Variants in RFX3 observed in about 807,000 individuals in gnomAD.
The protein encoded by RFX3 is regulatory factor X3, also known as transcription factor RFX3.
A neutral mutation model predicts 98.6 loss-of-function variants in RFX3; 14 were observed. The ratio of observed to expected loss-of-function variants is 0.14; its 90% confidence interval spans 0.09 to 0.22. The LOEUF is 0.22. Ranked by LOEUF, RFX3 falls within the 10% of genes least tolerant of loss-of-function variation. The pLI is 1.00. For synonymous variants in RFX3, 383 were observed against 328.4 expected (o/e 1.17, Z -1.80); for missense variants, 639 against 926.9 (o/e 0.69, Z 4.03).
At chr9:3,508,547 A>T (rs751767998) in intron 1 of RFX3, among the ~76,000 whole-genome samples, 3 of 152,000 alleles carry the variant, frequency 2.0e-5, no homozygotes, top group African/African-American at 4.8e-5. Flanking sequence ...AATAAAAAAG[A>T]GGAACTTCTA....
chr9:3,293,473 TCC>T (rs1395154699), intron 5 of RFX3, among the ~76,000 whole-genome samples: 1 of 152,242 alleles, frequency 6.6e-6, no homozygotes. Context: ...TCAGACAATA[TCC>T]ATTTCTTCAA....
Position 3,330,354 on chromosome 9 carries a change from G to T in RFX3, c.379C>A (p.Leu127Ile), listed in dbSNP as rs760090646. 1.9e-6 allele frequency: 3 copies of T among 1,614,004 alleles called. No individual in the cohort carries two copies. The Admixed American group carries it at 5.0e-5, about 27-fold the overall frequency. ...GIQMGVTGGQLISSSGGTYLI... is the reference protein window; with the variant it reads ...GIQMGVTGGQIISSSGGTYLI... ...TAGGTTCCTCCAGAGCTGCTGATGAGTTGTCCTCCTGTGACGCCCATCTGA... is the reference window on the plus strand; with the variant it reads ...TAGGTTCCTCCAGAGCTGCTGATGATTTGTCCTCCTGTGACGCCCATCTGA... Residue 127 changes from leucine to isoleucine, a missense_variant, in exon 4 of 17, where the codon CTC becomes ATC. Leu to Ile is a conservative substitution (Grantham distance 5). Around this residue, in one of 9 missense-constraint regions of RFX3, gnomAD observed 210 missense variants for 197.7 expected, o/e 1.06. Coordinates refer to ENST00000617270, the MANE Select transcript of RFX3 (RefSeq NM_001282116.2).
At chr9:3,363,461 A>G (rs1836689501) in intron 2 of RFX3, among the ~76,000 whole-genome samples, 1 of 152,206 alleles carries the variant, frequency 6.6e-6, no homozygotes, top group Non-Finnish European at 1.5e-5. Context: ...GAGTTAAATA[A>G]AGATGTCGGT....
chr9:3,464,640 G>A (rs1247812629), intron 1 of RFX3, among the ~76,000 whole-genome samples: 4 of 152,142 alleles, frequency 2.6e-5, no homozygotes, highest in African/African-American at 9.7e-5. Flanking sequence ...CAAAAGGGCA[G>A]GAACAAACTT....
intron 15 of RFX3, among the ~76,000 whole-genome samples, chr9:3,240,168 A>T (rs1819729274): frequency 6.6e-6 from 1 of 152,172 alleles, no homozygotes; most frequent in Non-Finnish European, 1.5e-5. Context: ...TTCAAATCCA[A>T]ACTCAGCCTT....
At chr9:3,378,424 C>T (rs16917581) in intron 2 of RFX3, among the ~76,000 whole-genome samples, 5,719 of 152,036 alleles carry the variant, frequency 0.038, 365 homozygotes, top group African/African-American at 0.13. Flanking sequence ...TTGCATTTTT[C>T]GCCCCTCAGG....
At chr9:3,462,114 G>C (rs978030041) in intron 1 of RFX3, among the ~76,000 whole-genome samples, 3 of 151,920 alleles carry the variant, frequency 2.0e-5, no homozygotes, top group Non-Finnish European at 4.4e-5. Flanking sequence ...AAAGAAAAAA[G>C]TGACAAGCAT....
chr9:3,372,609 G>A (rs1023397321), intron 2 of RFX3, among the ~76,000 whole-genome samples: 3 of 148,060 alleles, frequency 2.0e-5, no homozygotes, highest in African/African-American at 7.5e-5. Context: ...GTGCGGTGGT[G>A]TGATCTTGGC....
At chr9:3,437,879 A>C (rs1845288788) in intron 1 of RFX3, among the ~76,000 whole-genome samples, 1 of 152,086 alleles carries the variant, frequency 6.6e-6, no homozygotes, top group Non-Finnish European at 1.5e-5. Context: ...AATGCTTCTC[A>C]ATTTTTTGAA....
At chr9:3,256,846 G>C (rs964228310) in intron 14 of RFX3, 145 bp downstream of exon 14, 2 of 714,926 alleles carry the variant, frequency 2.8e-6, no homozygotes, top group East Asian at 5.0e-5. Flanking sequence ...ACTGAGTTGG[G>C]TTGAAGGTAG....
At chr9:3,413,146 C>G (rs1842599691) in intron 1 of RFX3, among the ~76,000 whole-genome samples, 1 of 151,398 alleles carries the variant, frequency 6.6e-6, no homozygotes, top group South Asian at 2.1e-4. Context: ...TCAGTTACAA[C>G]CTATTCTCCT....
intron 5 of RFX3, among the ~76,000 whole-genome samples, chr9:3,298,486 G>C (rs531587364): frequency 5.9e-4 from 89 of 151,866 alleles, no homozygotes; most frequent in African/African-American, 2.0e-3. Context: ...TATTCATTCA[G>C]CAAATATTTA....
At chr9:3,432,973 T>C (rs1844785077) in intron 1 of RFX3, among the ~76,000 whole-genome samples, 1 of 152,142 alleles carries the variant, frequency 6.6e-6, no homozygotes, top group South Asian at 2.1e-4. Context: ...AGGGGATTAG[T>C]TCCAGGTTAG....
intron 4 of RFX3, among the ~76,000 whole-genome samples, chr9:3,316,128 A>G (rs1830560295): frequency 6.6e-6 from 1 of 152,196 alleles, no homozygotes; most frequent in Non-Finnish European, 1.5e-5. Flanking sequence ...AATCCTCAAT[A>G]AAATATTGGC....
At chr9:3,316,781 G>A (rs1035700590) in intron 4 of RFX3, among the ~76,000 whole-genome samples, 2 of 152,036 alleles carry the variant, frequency 1.3e-5, no homozygotes, top group Admixed American at 6.6e-5. Context: ...GCATCAAAGA[G>A]AATAAAATAC....
intron 4 of RFX3, among the ~76,000 whole-genome samples, chr9:3,317,283 T>A (rs1474735411): frequency 3.9e-5 from 6 of 152,186 alleles, no homozygotes; most frequent in African/African-American, 1.4e-4. Context: ...ATTCCCTATT[T>A]AATAAATGGT....
chr9:3,386,743 T>C lies in RFX3; in HGVS notation c.117+8729A>G, dbSNP rs538695340. On this transcript the variant is annotated intron_variant, in intron 2 of 16. Coordinates refer to ENST00000617270, the MANE Select transcript of RFX3 (RefSeq NM_001282116.2). ...TGTCCAGAAGTGCACAGTTTCAAGTTGGATGGGGAGAATCCAAATTTCATA... is the reference window on the plus strand; with the variant it reads ...TGTCCAGAAGTGCACAGTTTCAAGTCGGATGGGGAGAATCCAAATTTCATA... Among the ~76,000 whole-genome samples, 151 of 152,264 alleles carry C rather than the reference T, an allele frequency of 9.9e-4. 3 individuals are homozygous for C. Among genetic ancestry groups the C allele is most frequent in the Admixed American group, 9.6e-3 (147 of 15,290 alleles).
intron 1 of RFX3, among the ~76,000 whole-genome samples, chr9:3,441,496 G>A (rs1845607779): frequency 6.6e-6 from 1 of 152,096 alleles, no homozygotes; most frequent in African/African-American, 2.4e-5. Context: ...AGAAACGGAT[G>A]ATTCTGGCGC....
intron 1 of RFX3, among the ~76,000 whole-genome samples, chr9:3,496,776 C>T (rs145794049): frequency 0.012 from 1,787 of 151,882 alleles, 28 homozygotes; most frequent in African/African-American, 0.032. Context: ...TCAAAAGAAC[C>T]CACATTTTTC....
Sources: allele counts gnomAD v4.1 joint callset (sites outside exome capture counted in the v4.1 genomes callset), GRCh38; gene constraint gnomAD v4.1.1; regional missense constraint gnomAD v4.1.1; transcripts MANE v1.5; gene names NCBI Gene and HGNC (gene_info 2026-07-23, HGNC 2026-07-21).